The following EHBP1 variants were observed in gnomAD, a reference collection of about 807,000 sequenced individuals.
The protein encoded by EHBP1 is EH domain binding protein 1.
EHBP1 carries 55 observed loss-of-function variants against 144.0 expected under a neutral mutation model. The observed-to-expected ratio is 0.38, with a 90% CI of 0.31 to 0.48. The LOEUF is 0.48. Among genes scored for constraint, EHBP1 ranks in the 20% least tolerant of loss-of-function variants. EHBP1 has a pLI of 0.98. For missense variants in EHBP1, 1,200 were observed against 1,364.2 expected, an observed-to-expected ratio of 0.88 and a Z score of 1.90; for synonymous variants, 469 against 472.7, an observed-to-expected ratio of 0.99 and a Z score of 0.10.
intron 6 of EHBP1, 164 bp downstream of exon 6, chr2:62,826,432 T>A (rs1003917022): frequency 1.8e-5 from 10 of 552,788 alleles, no homozygotes; most frequent in East Asian, 3.3e-5. Context: ...TACTTATAAA[T>A]AGTCTCTTTT....
intron 10 of EHBP1, among the ~76,000 whole-genome samples, chr2:62,883,122 A>G (rs964319101): frequency 1.3e-5 from 2 of 152,004 alleles, no homozygotes; most frequent in Non-Finnish European, 2.9e-5. Flanking sequence ...GCTAAAAATG[A>G]TAAAGCAAGT....
At chr2:62,754,840 C>T (rs759527021) in intron 3 of EHBP1, among the ~76,000 whole-genome samples, 10 of 152,198 alleles carry the variant, frequency 6.6e-5, no homozygotes, top group African/African-American at 9.7e-5. Context: ...GTTGGGAAAG[C>T]GCAGTATGAG....
intron 10 of EHBP1, among the ~76,000 whole-genome samples, chr2:62,882,315 GA>G (rs974196506): frequency 4.5e-4 from 69 of 152,112 alleles, no homozygotes; most frequent in African/African-American, 1.4e-3. Context: ...GAGAAAGAGG[GA>G]AAAATGCTAA....
At chr2:63,032,943 T>G (rs189409082) in intron 19 of EHBP1, among the ~76,000 whole-genome samples, 97 of 152,336 alleles carry the variant, frequency 6.4e-4, no homozygotes, top group African/African-American at 2.3e-3. Flanking sequence ...GCAAATGGTT[T>G]TAAGACAATT....
In EHBP1 at chr2:63,024,314, C is replaced by A. The variant is rs533933970; in HGVS notation, c.3104-13221C>A. Among the ~76,000 whole-genome samples, 75 of 152,108 alleles carry A rather than the reference C, an allele frequency of 4.9e-4. 1 individual carries two copies. Among genetic ancestry groups the A allele is most frequent in the Middle Eastern group, 6.8e-3 (2 of 294 alleles). ...AGCCAAGACTGCACAATTGCACTGC[C>A]GCCTGGATGACAAGAGCGAGACTCC... On this transcript the variant is annotated intron_variant, in intron 19 of 22. Coordinates refer to ENST00000431489, the MANE Select transcript of EHBP1 (RefSeq NM_001142616.3).
At chr2:62,727,027 TA>T (rs2036874817) in intron 2 of EHBP1, among the ~76,000 whole-genome samples, 5 of 152,300 alleles carry the variant, frequency 3.3e-5, no homozygotes, top group Middle Eastern at 3.4e-3. Flanking sequence ...CACGCCCGAC[TA>T]ATTTTTGTAT....
chr2:63,021,062 C>A (rs2060724172), intron 19 of EHBP1, among the ~76,000 whole-genome samples: 1 of 135,448 alleles, frequency 7.4e-6, no homozygotes, highest in African/African-American at 2.8e-5. Flanking sequence ...GACTCGTGAT[C>A]CTCCCACCTC....
chr2:62,727,989 CTG>C (rs2037005138), intron 2 of EHBP1, among the ~76,000 whole-genome samples: 1 of 152,136 alleles, frequency 6.6e-6, no homozygotes, highest in South Asian at 2.1e-4. Context: ...GACATGCAGA[CTG>C]GGCTGGGAAA....
chr2:62,892,273 T>A (rs2052524997), intron 10 of EHBP1, among the ~76,000 whole-genome samples: 1 of 152,182 alleles, frequency 6.6e-6, no homozygotes, highest in Admixed American at 6.5e-5. Context: ...TAAATGCCTT[T>A]TTAGATTATA....
chr2:62,737,809 G>A (rs1189727345), intron 2 of EHBP1, among the ~76,000 whole-genome samples: 1 of 152,114 alleles, frequency 6.6e-6, no homozygotes, highest in Non-Finnish European at 1.5e-5. Context: ...TGTCAGCCAG[G>A]CTAGAGTGCA....
chr2:62,692,443 G>C (rs2033937847), intron 1 of EHBP1, among the ~76,000 whole-genome samples: 1 of 152,128 alleles, frequency 6.6e-6, no homozygotes, highest in Admixed American at 6.5e-5. Context: ...CCATTTTGAG[G>C]AATTGCCAAA....
intron 10 of EHBP1, among the ~76,000 whole-genome samples, chr2:62,920,139 C>T (rs2054955495): frequency 1.3e-5 from 2 of 152,036 alleles, no homozygotes; most frequent in South Asian, 4.2e-4. Flanking sequence ...TTAACAAGTT[C>T]CAAGTAGGAT....
At chr2:62,809,140 A>G (rs766731960) in intron 5 of EHBP1, among the ~76,000 whole-genome samples, 13 of 151,918 alleles carry the variant, frequency 8.6e-5, no homozygotes, top group Non-Finnish European at 1.3e-4. Flanking sequence ...AAAATACAAA[A>G]ATTAACCAGG....
At chr2:62,900,622 A>T (rs931780147) in intron 10 of EHBP1, among the ~76,000 whole-genome samples, 2 of 146,074 alleles carry the variant, frequency 1.4e-5, no homozygotes, top group Non-Finnish European at 3.0e-5. Flanking sequence ...CCCTGTCTTT[A>T]AAAAAAAAAG....
chr2:62,688,352 T>C (rs948261850), intron 1 of EHBP1, among the ~76,000 whole-genome samples: 1 of 152,108 alleles, frequency 6.6e-6, no homozygotes, highest in Non-Finnish European at 1.5e-5. Flanking sequence ...TTATTAAAAA[T>C]TTTTTTCATT....
intron 5 of EHBP1, among the ~76,000 whole-genome samples, chr2:62,823,974 A>G (rs1388705246): frequency 6.6e-6 from 1 of 152,080 alleles, no homozygotes; most frequent in Non-Finnish European, 1.5e-5. Context: ...CTTAAGTAGT[A>G]CAGCTAATTG....
intron 3 of EHBP1, 50 bp from the exon 4 acceptor site, chr2:62,764,216 C>T: frequency 7.9e-7 from 1 of 1,266,618 alleles, no homozygotes; most frequent in Non-Finnish European, 1.1e-6. Context: ...AAATTACTAA[C>T]ATTGCATTTC....
intron 19 of EHBP1, among the ~76,000 whole-genome samples, chr2:63,029,654 A>C (rs2061146918): frequency 6.6e-6 from 1 of 152,146 alleles, no homozygotes; most frequent in African/African-American, 2.4e-5. Flanking sequence ...GAGATGAAGA[A>C]ACTGAGGTTT....
At chr2:62,693,893 A>T (rs976885549) in intron 1 of EHBP1, among the ~76,000 whole-genome samples, 5 of 152,040 alleles carry the variant, frequency 3.3e-5, no homozygotes, top group African/African-American at 1.2e-4. Flanking sequence ...CATTTTCTTG[A>T]TGGTGTCTTT....
Sources: allele counts gnomAD v4.1 joint callset (sites outside exome capture counted in the v4.1 genomes callset), GRCh38; gene constraint gnomAD v4.1.1; transcripts MANE v1.5; gene names NCBI Gene and HGNC (gene_info 2026-07-23, HGNC 2026-07-21).